Variants in KCNG1 observed in about 807,000 individuals in gnomAD.
The protein encoded by KCNG1 is voltage-gated potassium channel regulatory subunit KCNG1.
KCNG1 carries 17 observed loss-of-function variants against 32.4 expected under a neutral mutation model. That is an observed-to-expected ratio of 0.52 (90% CI 0.36 to 0.79). The LOEUF is 0.79. Ranked by LOEUF, KCNG1 falls within the 30% of genes least tolerant of loss-of-function variation. The pLI is 0.00. For synonymous variants in KCNG1, 358 were observed against 339.9 expected (o/e 1.05, Z -0.59); for missense variants, 441 against 735.2 (o/e 0.60, Z 4.63).
Position 51,009,454 on chromosome 20 carries a change from G to A in KCNG1, c.774+111C>T, listed in dbSNP as rs566292932. ...CATTCCTGATGTCAGGAGGGACCAGGGATGCTATTCAGCCAGTGTGCAATC... is the reference window on the plus strand; with the variant it reads ...CATTCCTGATGTCAGGAGGGACCAGAGATGCTATTCAGCCAGTGTGCAATC... On this transcript the variant is annotated intron_variant, in intron 2 of 2. Coordinates refer to ENST00000371571, the MANE Select transcript of KCNG1 (RefSeq NM_002237.4). 3 of 1,230,600 alleles carry A rather than the reference G, an allele frequency of 2.4e-6. No homozygotes were observed. The African/African-American group carries it at 4.6e-5, about 19-fold the overall frequency. The allele number at this position is 1,230,600 out of a possible 1,614,324, so 76.2% of individuals were successfully genotyped here. A position where few individuals can be genotyped will look rare whatever the true frequency, so the allele number is the denominator to read the frequency against.
In KCNG1 at chr20:51,009,742, C is replaced by G; in HGVS notation, c.597G>C (p.Pro199=). 2.5e-6 allele frequency: 4 copies of G among 1,608,174 alleles called. No homozygotes were observed. The highest frequency in any genetic ancestry group is 3.4e-6 in the Non-Finnish European group (4 of 1,179,290). ...LDSEGRDSEG[P]AEGEGRLGRC... Reference sequence around the variant, plus strand: ...GCCCCAGGCGGCCCTCGCCCTCGGCCGGGCCCTCGCTGTCGCGGCCCTCGC... The same window carrying G: ...GCCCCAGGCGGCCCTCGCCCTCGGCGGGGCCCTCGCTGTCGCGGCCCTCGC... Residue 199 remains proline (P), a synonymous_variant, in exon 2 of 3, where the codon CCG becomes CCC. Transcript: ENST00000371571.
chr20:51,008,584 C>G (rs907853094), intron 2 of KCNG1, among the ~76,000 whole-genome samples: 1 of 152,114 alleles, frequency 6.6e-6, no homozygotes, highest in African/African-American at 2.4e-5. Flanking sequence ...CCTTCTGCCT[C>G]CAGCTCCCAA....
chr20:51,023,071 C>G lies in KCNG1; in HGVS notation c.-228G>C, dbSNP rs1220617078. The G allele has an allele frequency of 6.6e-6, 1 of 152,184 alleles. No individual in the cohort carries two copies. The highest frequency in any genetic ancestry group is 1.5e-5 in the Non-Finnish European group (1 of 68,030). The allele number at this position is 152,184 out of a possible 1,614,324, so 9.4% of individuals were successfully genotyped here. On this transcript the variant is annotated 5_prime_UTR_variant, in exon 1 of 3. Transcript: ENST00000371571. ...CCCGCCCTCGGAGCCACGGCCGCCCCGTCTCTGCCTCCCGGTCCCCGCCGG... is the reference window on the plus strand; with the variant it reads ...CCCGCCCTCGGAGCCACGGCCGCCCGGTCTCTGCCTCCCGGTCCCCGCCGG...
chr20:51,010,587 C>T (rs978817815), intron 1 of KCNG1, among the ~76,000 whole-genome samples: 1 of 152,146 alleles, frequency 6.6e-6, no homozygotes, highest in Non-Finnish European at 1.5e-5. Context: ...CGATGGGATT[C>T]GTGTTCTTAT....
At position 51,022,983 on chromosome 20, in the gene KCNG1, C is replaced by T. The variant is rs965302187; in HGVS notation, c.-140G>A. On this transcript the variant is annotated 5_prime_UTR_variant, in exon 1 of 3. Transcript: ENST00000371571. ...ACGCGAGAGGGGCCTGGAAGTCGCC[C>T]GGGGAGCCCGCTCTGCCTCCCGGAG... 1 of 152,254 alleles carries T rather than the reference C, an allele frequency of 6.6e-6. No individual in the cohort carries two copies. Among genetic ancestry groups the T allele is most frequent in the Non-Finnish European group, 1.5e-5 (1 of 68,072 alleles). 9.4% of individuals were successfully genotyped at this position (152,254 alleles called of 1,614,324 possible).
rs746545224 is a variant in KCNG1 at position 51,009,918 on chromosome 20, C to G, written c.421G>C (p.Glu141Gln). ...TCCTGGAAGGACAGCGCGCACATCT[C>G]GCGCAGCAGCCGCAGCTTGCCCGCG... The part of the protein sequence containing the change: ...LRAGKLRLLR[E>Q]MCALSFQEEL... Residue 141 changes from glutamate (E) to glutamine (Q), a missense_variant, in exon 2 of 3, where the codon GAG (glutamate) becomes CAG (glutamine). Transcript: ENST00000371571. 3.1e-6 allele frequency: 5 copies of G among 1,613,650 alleles called. No homozygotes were observed. Among genetic ancestry groups the G allele is most frequent in the Non-Finnish European group, 2.5e-6 (3 of 1,179,968 alleles).
chr20:51,004,334 C>CA lies in KCNG1; in HGVS notation c.1246dup (p.Trp416LeufsTer84), dbSNP rs1430603655. On this transcript the variant is annotated frameshift_variant, in exon 3 of 3. Transcript: ENST00000371571. LOFTEE classifies it high-confidence loss of function. This position sits in a 1 kb window ranked among gnomAD's most constrained non-coding sequence, Gnocchi z 4.3. ...CGTCGTCATGGTGATGACAGCCCAC[C>CA]AGTAGCAGGCAGGGATGCTGGTGAA... 1 of 1,613,746 alleles carries CA rather than the reference C, an allele frequency of 6.2e-7. No individual in the cohort carries two copies.
intron 1 of KCNG1, among the ~76,000 whole-genome samples, chr20:51,021,087 C>T (rs936678258): frequency 6.6e-6 from 1 of 152,222 alleles, no homozygotes; most frequent in African/African-American, 2.4e-5. Context: ...CAAGGTTTGA[C>T]AACCCAGGCT....
chr20:51,017,849 T>C (rs1471294198), intron 1 of KCNG1, among the ~76,000 whole-genome samples: 6 of 152,162 alleles, frequency 3.9e-5, no homozygotes, highest in African/African-American at 1.2e-4. Context: ...AGGCTGTGAG[T>C]CCCGCTTCAT....
In KCNG1 at chr20:51,009,394, C is replaced by G. The variant is rs1234672209; in HGVS notation, c.774+171G>C. The G allele has an allele frequency of 7.4e-6, 6 of 814,996 alleles. No homozygotes were observed. In the African/African-American group the frequency reaches 8.7e-5, roughly 12 times the overall value. The allele number at this position is 814,996 out of a possible 1,614,324, so 50.5% of individuals were successfully genotyped here. A position where few individuals can be genotyped will look rare whatever the true frequency, so the allele number is the denominator to read the frequency against. On this transcript the variant is annotated intron_variant, in intron 2 of 2. Coordinates refer to ENST00000371571, the MANE Select transcript of KCNG1 (RefSeq NM_002237.4). ...CACAGGCGTGGACCCCCATGATGCT[C>G]ACATATTAACAGGGAGGCAGACCAT...
intron 2 of KCNG1, chr20:51,006,115 T>C (rs1398385940): frequency 6.6e-6 from 1 of 152,168 alleles, no homozygotes; most frequent in African/African-American, 2.4e-5. Flanking sequence ...TGAAGCTTCT[T>C]GAGGTTGGAA....
intron 1 of KCNG1, among the ~76,000 whole-genome samples, chr20:51,016,734 G>A (rs1988293666): frequency 6.6e-6 from 1 of 152,200 alleles, no homozygotes; most frequent in African/African-American, 2.4e-5. Context: ...GCCTGACGCT[G>A]AGTGAACCCT....
At chr20:51,020,042 G>A (rs1490056090) in intron 1 of KCNG1, among the ~76,000 whole-genome samples, 2 of 152,128 alleles carry the variant, frequency 1.3e-5, no homozygotes, top group Non-Finnish European at 2.9e-5. Flanking sequence ...AAGTTCCTGG[G>A]GAGATTGTGT....
At chr20:51,019,741 T>G (rs1408060016) in intron 1 of KCNG1, among the ~76,000 whole-genome samples, 1 of 151,804 alleles carries the variant, frequency 6.6e-6, no homozygotes, top group African/African-American at 2.4e-5. Flanking sequence ...TCTCTCTCCA[T>G]GCCACTCTTT....
In KCNG1 at chr20:51,003,986, T is replaced by C; in HGVS notation, c.*53A>G. ...TCCCTCTCCAGGCGTCTGCAGTGGA[T>C]GGCAATGGCTTCGGGCCACAGATGG... On this transcript the variant is annotated 3_prime_UTR_variant, in exon 3 of 3. Transcript: ENST00000371571. 6.3e-7 allele frequency: 1 copy of C among 1,577,314 alleles called. No homozygotes were observed. The highest frequency in any genetic ancestry group is 8.6e-7 in the Non-Finnish European group (1 of 1,160,194).
chr20:51,021,008 C>T (rs1003479715), intron 1 of KCNG1, among the ~76,000 whole-genome samples: 1 of 152,204 alleles, frequency 6.6e-6, no homozygotes. Context: ...TGTCACATCT[C>T]CCTCCCAGAG....
chr20:51,010,112 A>C lies in KCNG1; in HGVS notation c.227T>G (p.Leu76Arg). Residue 76 changes from leucine (L) to arginine (R), a missense_variant, in exon 2 of 3, where the codon CTG becomes CGG. Leu to Arg is a moderately radical substitution (Grantham distance 102). Transcript: ENST00000371571. ...IINVGGIKYSLPWTTLDEFPL... is the reference protein window; with the variant it reads ...IINVGGIKYSRPWTTLDEFPL... ...GAACTCGTCCAGCGTGGTCCAGGGC[A>C]GCGAGTACTTGATGCCGCCTACGTT... 1 of 1,613,902 alleles carries C rather than the reference A, an allele frequency of 6.2e-7. No individual in the cohort carries two copies. Among genetic ancestry groups the C allele is most frequent in the Non-Finnish European group, 8.5e-7 (1 of 1,179,960 alleles).
chr20:51,003,945 A>G lies in KCNG1; in HGVS notation c.*94T>C, dbSNP rs1288742718. The G allele has an allele frequency of 7.1e-7, 1 of 1,417,200 alleles. No homozygotes were observed. The highest frequency in any genetic ancestry group is 9.6e-7 in the Non-Finnish European group (1 of 1,038,874). The allele number at this position is 1,417,200 out of a possible 1,614,324, so 87.8% of individuals were successfully genotyped here. On this transcript the variant is annotated 3_prime_UTR_variant, in exon 3 of 3. Transcript: ENST00000371571. ...GGAGTCGGTGCTGCGCCAGGACTGC[A>G]CTCGGAAGCGGCCTGTCCCTCTCCA...
intron 1 of KCNG1, among the ~76,000 whole-genome samples, chr20:51,010,709 A>T (rs1364061281): frequency 3.3e-5 from 5 of 152,198 alleles, no homozygotes; most frequent in African/African-American, 1.2e-4. Context: ...GGCCTGGCCA[A>T]CATGGTGAAA....
Sources: gnomAD v4.1 joint callset for allele counts (sites outside exome capture counted in the v4.1 genomes callset) on GRCh38, gnomAD v4.1.1 for gene constraint, Gnocchi (gnomAD v3.1) non-coding constraint, MANE v1.5 for transcripts, NCBI Gene and HGNC (gene_info 2026-07-23, HGNC 2026-07-21) for gene names.